The following RYR2 variants were observed in gnomAD, a reference collection of about 807,000 sequenced individuals.
RYR2 encodes the protein ryanodine receptor 2.
RYR2 carries 227 observed loss-of-function variants against 601.1 expected under a neutral mutation model. The ratio of observed to expected loss-of-function variants is 0.38; its 90% CI spans 0.34 to 0.42. The LOEUF (loss-of-function observed/expected upper bound fraction) is 0.42. Among genes scored for constraint, RYR2 ranks in the 10% least tolerant of loss-of-function variants. The pLI is 1.00. For missense variants in RYR2, 4,646 were observed against 6,156.5 expected (o/e 0.75, Z 8.21); for synonymous variants, 2,223 against 2,175.1 (o/e 1.02, Z -0.61).
chr1:237,625,523 C>A, intron 39 of RYR2, 138 bp from the exon 40 acceptor site: 2 of 791,354 alleles, frequency 2.5e-6, no homozygotes, highest in Non-Finnish European at 3.9e-6. Flanking sequence ...GGCTGGTAAG[C>A]AACATTGCTT....
intron 1 of RYR2, among the ~76,000 whole-genome samples, chr1:237,122,128 GT>G (rs1188135617): frequency 5.9e-5 from 9 of 152,302 alleles, no homozygotes; most frequent in African/African-American, 2.2e-4. Context: ...TTACTTAAAT[GT>G]TAGTTAGCAG....
chr1:237,792,129 G>A lies in RYR2; in HGVS notation c.13588G>A (p.Gly4530Arg). The A allele has an allele frequency of 3.7e-6, 6 of 1,602,780 alleles. No homozygotes were observed. The highest frequency in any genetic ancestry group is 5.1e-6 in the Non-Finnish European group (6 of 1,174,468). Residue 4530 changes from glycine to arginine, a missense_variant, in exon 94 of 105, where the codon GGA becomes AGA. By Grantham distance (125) the Gly-to-Arg change is moderately radical. Around this residue, in one of 17 missense-constraint regions of RYR2, gnomAD observed 364 missense variants for 442.9 expected, o/e 0.82. Coordinates refer to ENST00000366574, the MANE Select transcript of RYR2 (RefSeq NM_001035.3). ...YKVSTSSVVE[G>R]KELPTRSSSE... is the part of the protein sequence containing the mutation. ...GGTCTCCACTTCTTCTGTGGTTGAA[G>A]GAAAGGAGCTCCCCACGAGAAGTTC...
At chr1:237,340,082 C>T (rs1403161132) in intron 3 of RYR2, among the ~76,000 whole-genome samples, 1 of 152,152 alleles carries the variant, frequency 6.6e-6, no homozygotes, top group African/African-American at 2.4e-5. Flanking sequence ...TCTGCTACAT[C>T]ATATAGCAGA....
chr1:237,326,137 C>T (rs542528484), intron 2 of RYR2, among the ~76,000 whole-genome samples: 2 of 152,026 alleles, frequency 1.3e-5, no homozygotes, highest in Non-Finnish European at 2.9e-5. Context: ...TGGTTGGAAA[C>T]CTAATTGATT....
intron 24 of RYR2, among the ~76,000 whole-genome samples, chr1:237,512,919 G>C (rs1246386933): frequency 5.3e-5 from 8 of 152,146 alleles, no homozygotes; most frequent in African/African-American, 1.9e-4. Context: ...GAGTCTTACT[G>C]TGTTGCCCAG....
chr1:237,109,820 A>T (rs1275914064), intron 1 of RYR2, among the ~76,000 whole-genome samples: 1 of 152,058 alleles, frequency 6.6e-6, no homozygotes, highest in East Asian at 1.9e-4. Flanking sequence ...AAGGAAGATT[A>T]CCTCTGTGAG....
At chr1:237,370,606 G>A (rs1700556792) in intron 6 of RYR2, among the ~76,000 whole-genome samples, 1 of 151,324 alleles carries the variant, frequency 6.6e-6, no homozygotes, top group South Asian at 2.1e-4. Context: ...AACCTGTGTT[G>A]TTCAAGGGTC....
At chr1:237,792,372 TGTGTGTGTGC>T (rs758688288) in intron 94 of RYR2, 49 bp downstream of exon 94, 530 of 896,964 alleles carry the variant, frequency 5.9e-4, no homozygotes, top group Non-Finnish European at 6.4e-4. Context: ...TGTGTGTGTG[TGTGTGTGTGC>T]GTGTGTGTGT....
chr1:237,820,632 T>G (rs747168603), intron 101 of RYR2, among the ~76,000 whole-genome samples: 2 of 152,138 alleles, frequency 1.3e-5, no homozygotes, highest in Non-Finnish European at 2.9e-5. Context: ...TGCACAAGTT[T>G]TTTTCATATA....
At chr1:237,720,397 C>T (rs1335277357) in intron 73 of RYR2, among the ~76,000 whole-genome samples, 1 of 152,122 alleles carries the variant, frequency 6.6e-6, no homozygotes, top group African/African-American at 2.4e-5. Context: ...ATTCACAATG[C>T]ACAAGTATTC....
chr1:237,774,074 G>A (rs773098347), intron 87 of RYR2, among the ~76,000 whole-genome samples: 23 of 152,130 alleles, frequency 1.5e-4, no homozygotes, highest in Non-Finnish European at 2.5e-4. Flanking sequence ...TCCAAATAGC[G>A]TATAGAATAT....
intron 1 of RYR2, among the ~76,000 whole-genome samples, chr1:237,067,887 A>T (rs1018940530): frequency 6.6e-6 from 1 of 152,166 alleles, no homozygotes; most frequent in Non-Finnish European, 1.5e-5. Flanking sequence ...ACCTGCAGAC[A>T]TGTCAATTTC....
At chr1:237,771,967 T>A in intron 85 of RYR2, 45 bp from the exon 86 acceptor site, 1 of 1,142,688 alleles carries the variant, frequency 8.8e-7, no homozygotes. Flanking sequence ...TGACTCAACT[T>A]GAACTTCTGA....
At chr1:237,825,976 T>C (rs2819741) in intron 101 of RYR2, among the ~76,000 whole-genome samples, 106,303 of 152,034 alleles carry the variant, frequency 0.7, 38,767 homozygotes, top group East Asian at 0.94. Context: ...TACCATCTCA[T>C]GCCAATTAGA....
chr1:237,804,583 G>A (rs545532211), intron 98 of RYR2, among the ~76,000 whole-genome samples: 7 of 152,066 alleles, frequency 4.6e-5, no homozygotes, highest in Non-Finnish European at 1.0e-4. Flanking sequence ...ATTAGTCCTG[G>A]CCCTCCCCCA....
At chr1:237,616,604 T>G (rs1678496420) in intron 37 of RYR2, among the ~76,000 whole-genome samples, 1 of 152,118 alleles carries the variant, frequency 6.6e-6, no homozygotes, top group Admixed American at 6.6e-5. Context: ...GGAACTCTAG[T>G]CTCTTATCAC....
At chr1:237,776,803 T>G (rs1463642995) in intron 87 of RYR2, among the ~76,000 whole-genome samples, 1 of 152,126 alleles carries the variant, frequency 6.6e-6, no homozygotes, top group Non-Finnish European at 1.5e-5. Context: ...TGTGGTGTGT[T>G]GTATTTTTTT....
intron 100 of RYR2, among the ~76,000 whole-genome samples, chr1:237,812,769 G>A (rs998438396): frequency 6.6e-6 from 1 of 152,012 alleles, no homozygotes; most frequent in African/African-American, 2.4e-5. Context: ...ACCTTGCCTG[G>A]AGCCTCCTCC....
At chr1:237,668,955 T>A (rs538758463) in intron 58 of RYR2, among the ~76,000 whole-genome samples, 1 of 151,814 alleles carries the variant, frequency 6.6e-6, no homozygotes, top group Admixed American at 6.6e-5. Context: ...AGGACAATAG[T>A]GGAGGGAAGG....
Sources: gnomAD v4.1 joint callset for allele counts (sites outside exome capture counted in the v4.1 genomes callset) on GRCh38, gnomAD v4.1.1 for gene constraint, gnomAD v4.1.1 regional missense constraint, MANE v1.5 for transcripts, NCBI Gene and HGNC (gene_info 2026-07-23, HGNC 2026-07-21) for gene names.